The following PRKAR1B variants were observed in gnomAD, a reference collection of about 807,000 sequenced individuals.
PRKAR1B encodes the protein cAMP-dependent protein kinase type I-beta regulatory subunit.
In PRKAR1B, 22 loss-of-function variants were observed where a neutral mutation model predicts 46.5. The observed-to-expected ratio is 0.47, with a 90% CI of 0.34 to 0.68. The LOEUF (loss-of-function observed/expected upper bound fraction) is 0.68, where lower values mean the gene tolerates loss of function less well. PRKAR1B is among the 30% of genes least tolerant of loss of function. The pLI, the probability that PRKAR1B is intolerant of heterozygous loss-of-function variation, is 0.01. For synonymous variants in PRKAR1B, 259 were observed against 217.7 expected (o/e 1.19, Z -1.67); for missense variants, 445 against 535.6 (o/e 0.83, Z 1.67).
intron 7 of PRKAR1B, among the ~76,000 whole-genome samples, chr7:585,126 C>T (rs868348089): frequency 3.9e-5 from 6 of 152,124 alleles, no homozygotes; most frequent in African/African-American, 9.7e-5. Flanking sequence ...GCCCTGTCAG[C>T]GTTATGTGAA....
rs1413927435 is a variant in PRKAR1B at position 711,063 on chromosome 7, A to T, written c.177+266T>A. On this transcript the variant is annotated intron_variant, in intron 2 of 10. Coordinates refer to ENST00000537384, the MANE Select transcript of PRKAR1B (RefSeq NM_001164760.2). ...ACCTCCTTCCAGGAGAGCTCTGAAGACCTGGAACCCCCTGGAAGCCGAAGG... is the reference window on the plus strand; with the variant it reads ...ACCTCCTTCCAGGAGAGCTCTGAAGTCCTGGAACCCCCTGGAAGCCGAAGG... Among the ~76,000 whole-genome samples, 6 of 152,130 alleles carry T rather than the reference A, an allele frequency of 3.9e-5. 1 individual carries two copies. The East Asian group carries it at 1.2e-3, about 29-fold the overall frequency.
intron 4 of PRKAR1B, among the ~76,000 whole-genome samples, chr7:652,206 G>T (rs1332330161): frequency 2.8e-5 from 4 of 142,088 alleles, no homozygotes; most frequent in African/African-American, 5.4e-5. Flanking sequence ...ACAGCGCTAG[G>T]AACCTGGGGA....
rs151134355 is a variant in PRKAR1B at position 678,805 on chromosome 7, G to T, written c.349-1485C>A. On this transcript the variant is annotated intron_variant, in intron 3 of 10. Transcript: ENST00000537384. ...CAGACTTTTAAAAATGTAAGTGTTG[G>T]ATGGGCGTGGTGGCTCACACCTGTA... 7.5e-3 allele frequency among the ~76,000 whole-genome samples: 1,149 copies of T among 152,364 alleles called. 8 individuals are homozygous for T. The highest frequency in any genetic ancestry group is 0.027 in the Middle Eastern group (8 of 294).
chr7:715,890 T>C (rs574416784), intron 1 of PRKAR1B, among the ~76,000 whole-genome samples: 6 of 151,904 alleles, frequency 3.9e-5, no homozygotes, highest in Non-Finnish European at 5.9e-5. Flanking sequence ...TAATTTTTTG[T>C]ATTTTTAGTA....
chr7:620,450 T>C (rs71518325), intron 4 of PRKAR1B, among the ~76,000 whole-genome samples: 114,810 of 152,120 alleles, frequency 0.75, 43,827 homozygotes, highest in South Asian at 0.9. Context: ...TTACTCCTCA[T>C]CTGTGTCTCT....
intron 4 of PRKAR1B, among the ~76,000 whole-genome samples, chr7:641,890 TTATG>T (rs141144048): frequency 0.021 from 3,133 of 152,224 alleles, 105 homozygotes; most frequent in African/African-American, 0.072. Flanking sequence ...CTCCATTTAT[TTATG>T]TATGTATTTA....
rs182696727 is a variant in PRKAR1B, at chr7:588,242, C to T, written c.709-3674G>A. ...ACCCACCCTCCCCTGCCTTCCAGAG[C>T]CTCAGCATGGAGGACACAGTGGGCA... On this transcript the variant is annotated intron_variant, in intron 7 of 10. Coordinates refer to ENST00000537384, the MANE Select transcript of PRKAR1B (RefSeq NM_001164760.2). 3.2e-4 allele frequency among the ~76,000 whole-genome samples: 49 copies of T among 152,378 alleles called. No individual in the cohort carries two copies. The East Asian group carries it at 8.9e-3, about 28-fold the overall frequency.
At chr7:568,467 G>A (rs1489614352) in intron 9 of PRKAR1B, among the ~76,000 whole-genome samples, 14 of 152,228 alleles carry the variant, frequency 9.2e-5, no homozygotes, top group African/African-American at 3.4e-4. Flanking sequence ...AGAGACCATT[G>A]TTCACCACCT....
chr7:640,754 ACT>A (rs1318984218), intron 4 of PRKAR1B, among the ~76,000 whole-genome samples: 1 of 143,172 alleles, frequency 7.0e-6, no homozygotes, highest in Non-Finnish European at 1.5e-5. Flanking sequence ...CAAGAGCAAA[ACT>A]CTGTCTCAAA....
intron 4 of PRKAR1B, among the ~76,000 whole-genome samples, chr7:627,051 T>G (rs913296609): frequency 1.3e-5 from 2 of 152,130 alleles, no homozygotes; most frequent in Admixed American, 1.3e-4. Flanking sequence ...CTTTTTGTAT[T>G]TTTAGTAGAG....
chr7:588,612 G>GTGA (rs1780757426), intron 7 of PRKAR1B, among the ~76,000 whole-genome samples: 1 of 133,994 alleles, frequency 7.5e-6, no homozygotes, highest in Admixed American at 7.1e-5. Context: ...GATGGTGATG[G>GTGA]TGGTGATGGT....
chr7:726,537 G>T (rs2128537783), intron 1 of PRKAR1B: 1 of 427,186 alleles, frequency 2.3e-6, no homozygotes, highest in East Asian at 3.7e-5. Flanking sequence ...AGGCAGGCTG[G>T]CGGGGGTTCC....
intron 9 of PRKAR1B, 110 bp downstream of exon 9, chr7:579,146 G>C: frequency 6.3e-7 from 1 of 1,595,032 alleles, no homozygotes; most frequent in Non-Finnish European, 8.5e-7. Context: ...CGGTCACAGG[G>C]CAGCACTGAC....
chr7:585,867 T>C (rs1463891716), intron 7 of PRKAR1B, among the ~76,000 whole-genome samples: 2 of 152,038 alleles, frequency 1.3e-5, no homozygotes, highest in African/African-American at 4.8e-5. Flanking sequence ...AATGGGGACG[T>C]ATTTTACCCC....
chr7:689,159 AGGCTGGAGTGCAGT>A (rs1200648779), intron 2 of PRKAR1B, among the ~76,000 whole-genome samples: 1 of 152,114 alleles, frequency 6.6e-6, no homozygotes, highest in African/African-American at 2.4e-5. Context: ...TCTGTCACCC[AGGCTGGAGTGCAGT>A]GGCGCGATCT....
In PRKAR1B at chr7:593,343, G is replaced by A. The variant is rs1449566408; in HGVS notation, c.708+2803C>T. ...CGGGACTAAGGCAGAAACAGGAGCT[G>A]TGTGAGGAGCTCGGGGCCAATACAG... On this transcript the variant is annotated intron_variant, in intron 7 of 10. Coordinates refer to ENST00000537384, the MANE Select transcript of PRKAR1B (RefSeq NM_001164760.2). This position sits in a 1 kb window ranked among gnomAD's most constrained non-coding sequence, Gnocchi z 6.1. Among the ~76,000 whole-genome samples the A allele has an allele frequency of 6.6e-6, 1 of 152,226 alleles. No homozygotes were observed. Among genetic ancestry groups the A allele is most frequent in the African/African-American group, 2.4e-5 (1 of 41,462 alleles).
At chr7:612,839 A>C (rs928114646) in intron 4 of PRKAR1B, among the ~76,000 whole-genome samples, 6 of 151,900 alleles carry the variant, frequency 3.9e-5, no homozygotes, top group African/African-American at 1.5e-4. Flanking sequence ...GGCTTTATTA[A>C]ATAAACGACA....
chr7:630,426 G>A (rs1783669885), intron 4 of PRKAR1B, among the ~76,000 whole-genome samples: 1 of 152,230 alleles, frequency 6.6e-6, no homozygotes, highest in Admixed American at 6.5e-5. Flanking sequence ...TTGGGGTCCT[G>A]GCTGGGGGTG....
chr7:678,962 C>A (rs936678303), intron 3 of PRKAR1B, among the ~76,000 whole-genome samples: 1 of 152,162 alleles, frequency 6.6e-6, no homozygotes, highest in Non-Finnish European at 1.5e-5. Context: ...ATGACAGGCA[C>A]CTGTAATCCC....
Sources: gnomAD v4.1 joint callset for allele counts (sites outside exome capture counted in the v4.1 genomes callset) on GRCh38, gnomAD v4.1.1 for gene constraint, Gnocchi (gnomAD v3.1) non-coding constraint, MANE v1.5 for transcripts, NCBI Gene and HGNC (gene_info 2026-07-23, HGNC 2026-07-21) for gene names.